Variants in CCNL1 observed in about 807,000 individuals in gnomAD.
CCNL1 encodes cyclin-L1.
Under a neutral mutation model 60.6 loss-of-function variants are expected in CCNL1, and 13 were observed. The observed-to-expected ratio is 0.21, with a 90% CI of 0.14 to 0.34. CCNL1 has a LOEUF of 0.34. Ranked by LOEUF, CCNL1 falls within the 10% of genes least tolerant of loss-of-function variation. The probability of loss-of-function intolerance (pLI) is 1.00; values close to 1 mark genes in which losing one functional copy is unlikely to be tolerated. For missense variants in CCNL1, 481 were observed against 664.3 expected, an observed-to-expected ratio of 0.72 and a Z score of 3.03; for synonymous variants, 270 against 244.3, an observed-to-expected ratio of 1.10 and a Z score of -0.98.
chr3:157,156,807 A>G (rs1000091104), intron 3 of CCNL1: 25 of 636,314 alleles, frequency 3.9e-5, no homozygotes, highest in Non-Finnish European at 5.1e-5. Context: ...TAATACTGAT[A>G]GTACTTTCTA....
intron 10 of CCNL1, 21 bp downstream of exon 10, chr3:157,149,266 C>T (rs749463023): frequency 1.3e-6 from 2 of 1,547,180 alleles, no homozygotes; most frequent in South Asian, 2.2e-5. Context: ...AGACTGCTTC[C>T]CTAAGAAAAC....
At position 157,159,898 on chromosome 3, in the gene CCNL1, G is replaced by A. The variant is rs1406808835; in HGVS notation, c.197C>T (p.Pro66Leu). The A allele has an allele frequency of 6.2e-7, 1 of 1,605,368 alleles. No individual in the cohort carries two copies. Residue 66 changes from proline (P) to leucine (L), a missense_variant, in exon 1 of 11, where the codon CCC becomes CTC. By Grantham distance (98) the Pro-to-Leu change is moderately conservative. This residue lies in a region of CCNL1 where 130 missense variants were observed against 174.5 expected (regional missense o/e 0.75). Transcript: ENST00000295926. ...GAGCCCATCCTGCATGGATGGGGTGGGCGAGAGCCTCTCCTCCGGAATCAG... is the reference window on the plus strand; with the variant it reads ...GAGCCCATCCTGCATGGATGGGGTGAGCGAGAGCCTCTCCTCCGGAATCAG... ...HSLIPEERLS[P>L]TPSMQDGLDL...
At chr3:157,157,327 G>A (rs1738696038) in intron 3 of CCNL1, among the ~76,000 whole-genome samples, 1 of 152,114 alleles carries the variant, frequency 6.6e-6, no homozygotes, top group Non-Finnish European at 1.5e-5. Context: ...AATCAGGTGA[G>A]ATTATATTAT....
At chr3:157,151,255 T>C in intron 5 of CCNL1, 1 of 985,488 alleles carries the variant, frequency 1.0e-6, no homozygotes, top group Non-Finnish European at 1.2e-6. Context: ...AAAGGACATC[T>C]TGCTGGGAAG....
rs771006886 is a variant in CCNL1, at chr3:157,149,867, G to C, written c.990C>G (p.Thr330=). The C allele has an allele frequency of 6.2e-7, 1 of 1,613,926 alleles. No individual in the cohort carries two copies. The highest frequency in any genetic ancestry group is 8.5e-7 in the Non-Finnish European group (1 of 1,179,996). The change falls in exon 8 of 11, where the codon ACC becomes ACG. Residue 330 remains threonine (T), a synonymous_variant. Transcript: ENST00000295926. The part of the protein sequence containing the change: ...LNPDGTPALS[T]LGGFSPASKP... ...TGGAGGCTGGAGAAAATCCACCCAG[G>C]GTTGAAAGGGCTGGAGTTCCATCCG...
In CCNL1 at chr3:157,147,732, A is replaced by T; in HGVS notation, c.*509T>A. 1.0e-6 allele frequency: 1 copy of T among 984,918 alleles called. No individual in the cohort carries two copies. Among genetic ancestry groups the T allele is most frequent in the Non-Finnish European group, 1.2e-6 (1 of 829,416 alleles). 61.0% of individuals were successfully genotyped at this position (984,918 alleles called of 1,614,324 possible). A position where few individuals can be genotyped will look rare whatever the true frequency, so the allele number is the denominator to read the frequency against. On this transcript the variant is annotated 3_prime_UTR_variant, in exon 11 of 11. Coordinates refer to ENST00000295926, the MANE Select transcript of CCNL1 (RefSeq NM_020307.4). ...AGAATAAGTTTGTCAGAAAACCAGT[A>T]CAGCCATTTTGCTATTAAAATTTTC...
downstream of CCNL1, among the ~76,000 whole-genome samples, chr3:157,145,054 T>G (rs899157852): frequency 1.3e-5 from 2 of 152,218 alleles, no homozygotes; most frequent in Non-Finnish European, 2.9e-5. Flanking sequence ...AATGGGAACA[T>G]GGTTAAGAAT....
chr3:157,145,466 C>CAAAAAAAAAAAAAAAAA, downstream of CCNL1, among the ~76,000 whole-genome samples: 44 of 88,892 alleles, frequency 4.9e-4, 3 homozygotes, highest in African/African-American at 1.4e-3. Flanking sequence ...AAAAAAAAAC[C>CAAAAAAAAAAAAAAAAA]AAAACGGGAT....
At chr3:157,159,201 T>C in intron 2 of CCNL1, 2 of 641,020 alleles carry the variant, frequency 3.1e-6, no homozygotes, top group Non-Finnish European at 2.7e-6. Flanking sequence ...GGTTGAAAAC[T>C]GTACTTTTCG....
chr3:157,159,917 G>C lies in CCNL1; in HGVS notation c.178C>G (p.Pro60Ala). The stretch of plus-strand genomic sequence containing the variant: ...GGGGTGGGCGAGAGCCTCTCCTCCG[G>C]AATCAGAGAGTGGTCGATGGTAAGT... ...VSLTIDHSLI[P>A]EERLSPTPSM... Residue 60 changes from proline (P) to alanine (A), a missense_variant, in exon 1 of 11, where the codon CCG becomes GCG. Pro to Ala is a conservative substitution (Grantham distance 27, BLOSUM62 -1). This residue lies in a region of CCNL1 where 130 missense variants were observed against 174.5 expected (regional missense o/e 0.75). Transcript: ENST00000295926. 1 of 1,606,956 alleles carries C rather than the reference G, an allele frequency of 6.2e-7. No homozygotes were observed. Among genetic ancestry groups the C allele is most frequent in the South Asian group, 1.1e-5 (1 of 89,770 alleles).
At chr3:157,152,625 A>C (rs1278765918) in intron 4 of CCNL1, 1 of 1,071,146 alleles carries the variant, frequency 9.3e-7, no homozygotes, top group Non-Finnish European at 1.1e-6. Context: ...AGATGTTGGG[A>C]GAAACAAATT....
chr3:157,158,632 T>A (rs1738810410), intron 3 of CCNL1: 2 of 388,192 alleles, frequency 5.2e-6, no homozygotes, highest in Admixed American at 4.3e-5. Context: ...CACAGCACTG[T>A]TAGGATTGTC....
intron 3 of CCNL1, among the ~76,000 whole-genome samples, chr3:157,155,438 A>C (rs982314644): frequency 6.6e-6 from 1 of 152,184 alleles, no homozygotes; most frequent in African/African-American, 2.4e-5. Flanking sequence ...AATGCCAATG[A>C]CATCAAAATA....
At chr3:157,157,499 C>T (rs927464221) in intron 3 of CCNL1, among the ~76,000 whole-genome samples, 2 of 152,086 alleles carry the variant, frequency 1.3e-5, no homozygotes, top group African/African-American at 4.8e-5. Context: ...AAAGAGAAAC[C>T]TTTGACTAAA....
At chr3:157,156,441 A>G (rs1738629811) in intron 3 of CCNL1, among the ~76,000 whole-genome samples, 1 of 152,248 alleles carries the variant, frequency 6.6e-6, no homozygotes, top group Non-Finnish European at 1.5e-5. Context: ...GAAAATTTTA[A>G]TACGCTGCAT....
At chr3:157,150,600 C>G (rs1738113133) in intron 5 of CCNL1, 1 of 1,237,266 alleles carries the variant, frequency 8.1e-7, no homozygotes, top group Non-Finnish European at 1.0e-6. Flanking sequence ...ATGAGCGAAG[C>G]CCTTTTAAAT....
At chr3:157,143,634 G>T (rs1303515556), downstream of CCNL1, among the ~76,000 whole-genome samples, 1 of 152,160 alleles carries the variant, frequency 6.6e-6, no homozygotes, top group Admixed American at 6.5e-5. Context: ...TTAGTGGTAA[G>T]CATTATGAAA....
chr3:157,146,412 C>T, downstream of CCNL1: 1 of 356,444 alleles, frequency 2.8e-6, no homozygotes, highest in South Asian at 2.1e-5. Context: ...CCTCATTCCA[C>T]ATGCAGGTGT....
At chr3:157,156,282 G>C (rs566207349) in intron 3 of CCNL1, among the ~76,000 whole-genome samples, 1 of 152,304 alleles carries the variant, frequency 6.6e-6, no homozygotes, top group South Asian at 2.1e-4. Context: ...AGGCCACCTT[G>C]TAGAGCCACA....
Sources: allele counts gnomAD v4.1 joint callset (sites outside exome capture counted in the v4.1 genomes callset), GRCh38; gene constraint gnomAD v4.1.1; regional missense constraint gnomAD v4.1.1; transcripts MANE v1.5; gene names NCBI Gene and HGNC (gene_info 2026-07-23, HGNC 2026-07-21).